NTM: variants seen among roughly 807,000 people sequenced by gnomAD.
NTM encodes neurotrimin.
In NTM, 13 loss-of-function variants were observed where a neutral mutation model predicts 42.1. That is an observed-to-expected ratio of 0.31 (90% CI 0.20 to 0.49). The LOEUF is 0.49. NTM is among the 20% of genes least tolerant of loss of function. NTM has a pLI of 0.99. For missense variants in NTM, 373 were observed against 452.8 expected (o/e 0.82, Z 1.60); for synonymous variants, 187 against 179.2 (o/e 1.04, Z -0.35).
chr11:131,544,861 A>T (rs2053722363), intron 1 of NTM, among the ~76,000 whole-genome samples: 1 of 152,292 alleles, frequency 6.6e-6, no homozygotes, highest in Non-Finnish European at 1.5e-5. Flanking sequence ...AGATAACTTG[A>T]TAGCAGTGGG....
intron 1 of NTM, among the ~76,000 whole-genome samples, chr11:131,784,049 C>A (rs1379791878): frequency 6.6e-6 from 1 of 152,074 alleles, no homozygotes; most frequent in Non-Finnish European, 1.5e-5. Flanking sequence ...CAACATCAAG[C>A]AAGTCAAAAA....
chr11:132,135,981 G>C (rs1400287352), intron 2 of NTM, among the ~76,000 whole-genome samples: 1 of 152,148 alleles, frequency 6.6e-6, no homozygotes, highest in East Asian at 1.9e-4. Context: ...TAACTATCTG[G>C]AGAGATCCAG....
At chr11:132,252,189 G>A (rs542740322) in intron 4 of NTM, among the ~76,000 whole-genome samples, 1 of 151,608 alleles carries the variant, frequency 6.6e-6, no homozygotes, top group South Asian at 2.1e-4. Context: ...CTTTATCTTA[G>A]CATTTGTTTC....
At position 131,963,011 on chromosome 11, in the gene NTM, A is replaced by G. The variant is rs553549507; in HGVS notation, c.167+51363A>G. Among the ~76,000 whole-genome samples the G allele has an allele frequency of 5.9e-5, 9 of 152,288 alleles. No individual in the cohort carries two copies. The East Asian group carries it at 9.6e-4, about 16-fold the overall frequency. ...GTCAAGGAGTCATTTCATATCCCTG[A>G]CACAGCCTGGGACGCCCACTTCCTT... On this transcript the variant is annotated intron_variant, in intron 2 of 8. Transcript: ENST00000683400.
intron 1 of NTM, among the ~76,000 whole-genome samples, chr11:131,747,116 TA>T (rs1250525940): frequency 6.6e-6 from 1 of 152,226 alleles, no homozygotes; most frequent in Non-Finnish European, 1.5e-5. Context: ...AGGAGCAATT[TA>T]TTTTTTATAC....
intron 1 of NTM, among the ~76,000 whole-genome samples, chr11:131,510,103 G>A (rs985428433): frequency 1.3e-5 from 2 of 152,122 alleles, no homozygotes; most frequent in Non-Finnish European, 2.9e-5. Context: ...CCTGGAGGCC[G>A]CATAGCCATC....
chr11:132,142,300 C>G (rs139061510), intron 2 of NTM, among the ~76,000 whole-genome samples: 12 of 152,236 alleles, frequency 7.9e-5, no homozygotes, highest in African/African-American at 2.9e-4. Context: ...GAGTTTGAAG[C>G]CTTACTCACT....
At chr11:131,614,761 T>A (rs1260905709) in intron 1 of NTM, among the ~76,000 whole-genome samples, 2 of 152,222 alleles carry the variant, frequency 1.3e-5, no homozygotes, top group African/African-American at 2.4e-5. Context: ...CACATAAAAC[T>A]GTTGCAGCTG....
At chr11:131,609,737 C>T (rs1466408500) in intron 1 of NTM, among the ~76,000 whole-genome samples, 3 of 152,204 alleles carry the variant, frequency 2.0e-5, no homozygotes, top group African/African-American at 7.2e-5. Context: ...TTTATTCACT[C>T]CTCTTGAAGA....
intron 3 of NTM, among the ~76,000 whole-genome samples, chr11:132,193,253 A>G (rs1159779550): frequency 2.0e-5 from 3 of 152,042 alleles, no homozygotes; most frequent in African/African-American, 7.2e-5. Context: ...CACACACTAA[A>G]CCATAAAGCA....
chr11:132,043,956 C>CTGTGTGTG (rs1389188401), intron 2 of NTM, among the ~76,000 whole-genome samples: 3 of 98,998 alleles, frequency 3.0e-5, no homozygotes, highest in Non-Finnish European at 6.1e-5. Context: ...CAGACACCAA[C>CTGTGTGTG]TATGTGTGTG....
chr11:132,160,823 G>A (rs750793886), intron 3 of NTM, among the ~76,000 whole-genome samples: 6 of 152,140 alleles, frequency 3.9e-5, no homozygotes, highest in Non-Finnish European at 8.8e-5. Context: ...ATGGGGCACC[G>A]CTGAGGGCAG....
At chr11:132,226,995 T>C (rs1340371157) in intron 4 of NTM, among the ~76,000 whole-genome samples, 1 of 152,100 alleles carries the variant, frequency 6.6e-6, no homozygotes, top group Non-Finnish European at 1.5e-5. Context: ...AATGAAAATG[T>C]TGAGTAGATA....
rs201924736 is a variant in NTM at position 131,879,204 on chromosome 11, C to A, written c.83-32360C>A. On this transcript the variant is annotated intron_variant, in intron 1 of 8. Coordinates refer to ENST00000683400, the MANE Select transcript of NTM (RefSeq NM_001352005.2). Reference sequence around the variant, plus strand: ...TCTCATTCTGTAAAATGACCTCGAACCTGGATCTTTCCACCTTTTACTATG... The same window carrying A: ...TCTCATTCTGTAAAATGACCTCGAAACTGGATCTTTCCACCTTTTACTATG... Among the ~76,000 whole-genome samples, 12 of 152,282 alleles carry A rather than the reference C, an allele frequency of 7.9e-5. No homozygotes were observed. The East Asian group carries it at 2.3e-3, about 29-fold the overall frequency.
Position 132,146,240 on chromosome 11 carries a change from G to A in NTM, c.168-42G>A, listed in dbSNP as rs372707939. 168 of 1,606,282 alleles carry A rather than the reference G, an allele frequency of 1.0e-4. No individual in the cohort carries two copies. Among genetic ancestry groups the A allele is most frequent in the Admixed American group, 1.7e-4 (10 of 59,784 alleles). On this transcript the variant is annotated intron_variant, in intron 2 of 8. Coordinates refer to ENST00000683400, the MANE Select transcript of NTM (RefSeq NM_001352005.2). This position sits in a 1 kb window ranked among gnomAD's most constrained non-coding sequence, Gnocchi z 4.5. ...GGACCTCCCTCTGATGGCTGCTGTC[G>A]TCTCTCAGTCCCTTGACGTACCTGT...
chr11:132,217,340 C>A, intron 4 of NTM, among the ~76,000 whole-genome samples: 1 of 135,508 alleles, frequency 7.4e-6, no homozygotes, highest in African/African-American at 2.7e-5. Flanking sequence ...GTGCCTCTTT[C>A]TCTCTCTCTC....
chr11:131,659,589 C>T (rs982398735), intron 1 of NTM, among the ~76,000 whole-genome samples: 3 of 152,322 alleles, frequency 2.0e-5, no homozygotes, highest in African/African-American at 4.8e-5. Flanking sequence ...TTCTGAAGTA[C>T]GGTGTTTTAG....
chr11:131,569,165 A>G (rs560406395), intron 1 of NTM, among the ~76,000 whole-genome samples: 15 of 144,710 alleles, frequency 1.0e-4, no homozygotes, highest in Non-Finnish European at 1.9e-4. Context: ...TTTTTTTGAG[A>G]CAGAGTTTCG....
At chr11:131,482,251 G>C (rs1319509068) in intron 1 of NTM, among the ~76,000 whole-genome samples, 1 of 152,214 alleles carries the variant, frequency 6.6e-6, no homozygotes, top group African/African-American at 2.4e-5. Context: ...CAGACAATGT[G>C]TTCTGCATTC....
Sources: allele counts gnomAD v4.1 joint callset (sites outside exome capture counted in the v4.1 genomes callset), GRCh38; gene constraint gnomAD v4.1.1; non-coding constraint Gnocchi (gnomAD v3.1); transcripts MANE v1.5; gene names NCBI Gene and HGNC (gene_info 2026-07-23, HGNC 2026-07-21).